PRKG1: variants seen among roughly 807,000 people sequenced by gnomAD.
PRKG1 encodes cGMP-dependent protein kinase 1.
A neutral mutation model predicts 88.1 loss-of-function variants in PRKG1; 35 were observed. The ratio of observed to expected loss-of-function variants is 0.40; its 90% CI spans 0.30 to 0.53. The LOEUF (loss-of-function observed/expected upper bound fraction) is 0.53. Ranked by LOEUF, PRKG1 falls within the 20% of genes least tolerant of loss-of-function variation. The pLI is 0.59. For synonymous variants in PRKG1, 303 were observed against 292.5 expected (o/e 1.04, Z -0.37); for missense variants, 540 against 839.8 (o/e 0.64, Z 4.41).
chr10:51,548,249 G>A (rs1004063051), intron 3 of PRKG1, among the ~76,000 whole-genome samples: 1 of 50,566 alleles, frequency 2.0e-5, no homozygotes, highest in African/African-American at 4.5e-5. Context: ...GCAGCACAAA[G>A]GGCTTACGTC....
intron 3 of PRKG1, among the ~76,000 whole-genome samples, chr10:51,617,962 A>T (rs748258495): frequency 6.6e-6 from 1 of 152,240 alleles, no homozygotes; most frequent in Non-Finnish European, 1.5e-5. Context: ...TGGAAAAAGG[A>T]TAATCATTCT....
chr10:51,929,552 T>C (rs1339319154), intron 5 of PRKG1, among the ~76,000 whole-genome samples: 4 of 152,128 alleles, frequency 2.6e-5, no homozygotes, highest in South Asian at 2.1e-4. Context: ...GTTTTCACCA[T>C]GTTGGCCAGG....
At chr10:51,152,379 T>C (rs1846094343) in intron 1 of PRKG1, among the ~76,000 whole-genome samples, 1 of 152,092 alleles carries the variant, frequency 6.6e-6, no homozygotes, top group Non-Finnish European at 1.5e-5. Flanking sequence ...AAAGAAATAT[T>C]CTCTAAAAAG....
intron 2 of PRKG1, among the ~76,000 whole-genome samples, chr10:51,252,612 A>G (rs1316346726): frequency 6.6e-6 from 1 of 151,792 alleles, no homozygotes; most frequent in Non-Finnish European, 1.5e-5. Flanking sequence ...AACTCTACAT[A>G]ATAATTGCCC....
At chr10:51,799,109 C>T (rs11815478) in intron 3 of PRKG1, among the ~76,000 whole-genome samples, 54,200 of 151,844 alleles carry the variant, frequency 0.36, 10,646 homozygotes, top group Middle Eastern at 0.49. Context: ...CTTGGTCTCT[C>T]TCTCTGTCTC....
intron 2 of PRKG1, among the ~76,000 whole-genome samples, chr10:51,255,166 TATAA>T (rs1729314741): frequency 6.6e-6 from 1 of 152,106 alleles, no homozygotes; most frequent in South Asian, 2.1e-4. Flanking sequence ...ATTTTAAGAA[TATAA>T]ATAATTTGTG....
At chr10:51,950,572 C>T (rs1023025326) in intron 5 of PRKG1, among the ~76,000 whole-genome samples, 5 of 152,264 alleles carry the variant, frequency 3.3e-5, no homozygotes, top group Non-Finnish European at 5.9e-5. Context: ...CCATTCCAAG[C>T]ACAACACAGG....
At chr10:51,241,762 G>A (rs1257442929) in intron 2 of PRKG1, among the ~76,000 whole-genome samples, 1 of 152,154 alleles carries the variant, frequency 6.6e-6, no homozygotes, top group Non-Finnish European at 1.5e-5. Flanking sequence ...CAGAGGCAGA[G>A]AAAAGAATTA....
chr10:51,565,124 C>A (rs1438148944), intron 3 of PRKG1, among the ~76,000 whole-genome samples: 1 of 152,024 alleles, frequency 6.6e-6, no homozygotes, highest in Non-Finnish European at 1.5e-5. Flanking sequence ...ACCAAACAAA[C>A]AAAATAGATA....
In PRKG1 at chr10:52,117,581, T is replaced by C. The variant is rs115076800; in HGVS notation, c.936-16259T>C. ...GAAAGAGTAAGACCTCAGCAGCCTC[T>C]CTACTCGGAAATTACTTGTGAGAGT... is the stretch of plus-strand genomic sequence containing the variant. On this transcript the variant is annotated intron_variant, in intron 7 of 17. Coordinates refer to ENST00000373980, the MANE Select transcript of PRKG1 (RefSeq NM_006258.4). Among the ~76,000 whole-genome samples the C allele has an allele frequency of 8.5e-3, 1,293 of 152,220 alleles. 22 individuals carry two copies. The highest frequency in any genetic ancestry group is 0.029 in the African/African-American group (1,209 of 41,544).
intron 7 of PRKG1, among the ~76,000 whole-genome samples, chr10:52,110,566 G>A (rs922746782): frequency 3.3e-5 from 5 of 152,074 alleles, no homozygotes; most frequent in African/African-American, 9.7e-5. Flanking sequence ...GGCAGGGAGG[G>A]AAGATAGGAA....
At chr10:51,471,047 C>T (rs72795108) in intron 3 of PRKG1, among the ~76,000 whole-genome samples, 3 of 151,672 alleles carry the variant, frequency 2.0e-5, no homozygotes, top group Non-Finnish European at 2.9e-5. Flanking sequence ...ATAGTCTGCT[C>T]CTGTCTTATA....
At chr10:51,896,645 TAAAAAAAAA>T (rs10649150) in intron 4 of PRKG1, among the ~76,000 whole-genome samples, 2 of 95,004 alleles carry the variant, frequency 2.1e-5, no homozygotes, top group Non-Finnish European at 3.9e-5. Flanking sequence ...CCCTGTCTCT[TAAAAAAAAA>T]AAAAAAAAAA....
intron 2 of PRKG1, among the ~76,000 whole-genome samples, chr10:51,304,260 G>A (rs1010345785): frequency 3.3e-5 from 5 of 151,310 alleles, no homozygotes; most frequent in African/African-American, 7.3e-5. Flanking sequence ...GAAAAGATGC[G>A]TAGAGATACC....
chr10:52,157,306 G>GAGATAGATATATATATAT (rs1289803162), intron 8 of PRKG1, among the ~76,000 whole-genome samples: 4 of 125,934 alleles, frequency 3.2e-5, no homozygotes, highest in African/African-American at 1.2e-4. Context: ...TGAGTTAGTT[G>GAGATAGATATATATATAT]ATATATATAT....
intron 1 of PRKG1, among the ~76,000 whole-genome samples, chr10:51,055,405 G>A (rs1415720526): frequency 6.6e-6 from 1 of 151,960 alleles, no homozygotes; most frequent in Non-Finnish European, 1.5e-5. Flanking sequence ...AGATTCTTTA[G>A]ATTATTTTAT....
intron 3 of PRKG1, among the ~76,000 whole-genome samples, chr10:51,553,313 C>A (rs1020194522): frequency 6.6e-6 from 1 of 151,590 alleles, no homozygotes; most frequent in Admixed American, 6.6e-5. Context: ...GAAAGCAGTG[C>A]GATGAATACT....
chr10:51,637,585 G>A (rs1204410061), intron 3 of PRKG1, among the ~76,000 whole-genome samples: 2 of 152,248 alleles, frequency 1.3e-5, no homozygotes, highest in African/African-American at 4.8e-5. Flanking sequence ...ATACCTTGCA[G>A]CCGTTAAAAG....
chr10:51,086,203 T>G (rs1248646479), intron 1 of PRKG1, among the ~76,000 whole-genome samples: 1 of 152,218 alleles, frequency 6.6e-6, no homozygotes, highest in Non-Finnish European at 1.5e-5. Flanking sequence ...ATAAGCTCAC[T>G]GTGAATGAGT....
Sources: allele counts gnomAD v4.1 joint callset (sites outside exome capture counted in the v4.1 genomes callset), GRCh38; gene constraint gnomAD v4.1.1; transcripts MANE v1.5; gene names NCBI Gene and HGNC (gene_info 2026-07-23, HGNC 2026-07-21).